UBE2V2: variants seen among roughly 807,000 people sequenced by gnomAD.
UBE2V2 encodes ubiquitin conjugating enzyme E2 V2.
In UBE2V2, 9 loss-of-function variants were observed where a neutral mutation model predicts 17.2. The observed-to-expected ratio is 0.52, with a 90% confidence interval of 0.32 to 0.91. UBE2V2 has a LOEUF of 0.91. Among genes scored for constraint, UBE2V2 ranks in the 40% least tolerant of loss-of-function variants. The pLI, the probability that UBE2V2 is intolerant of heterozygous loss-of-function variation, is 0.04. For synonymous variants in UBE2V2, 61 were observed against 57.5 expected (o/e 1.06, Z -0.28); for missense variants, 133 against 182.6 (o/e 0.73, Z 1.56).
intron 1 of UBE2V2, among the ~76,000 whole-genome samples, chr8:48,009,513 A>G (rs2091213551): frequency 6.6e-6 from 1 of 152,034 alleles, no homozygotes; most frequent in Admixed American, 6.6e-5. Context: ...TGATCCGCCC[A>G]CTTCGGCCTC....
chr8:48,018,849 T>G (rs2091286285), intron 1 of UBE2V2, among the ~76,000 whole-genome samples: 1 of 152,172 alleles, frequency 6.6e-6, no homozygotes, highest in South Asian at 2.1e-4. Flanking sequence ...GCATATATAT[T>G]TACAATTATT....
chr8:48,019,642 C>G (rs1236913320), intron 1 of UBE2V2, among the ~76,000 whole-genome samples: 1 of 151,596 alleles, frequency 6.6e-6, no homozygotes, highest in African/African-American at 2.4e-5. Context: ...TGGTGAAACC[C>G]CGTCTCTACT....
chr8:48,057,266 C>T (rs2091579048), intron 3 of UBE2V2, among the ~76,000 whole-genome samples: 1 of 152,050 alleles, frequency 6.6e-6, no homozygotes, highest in African/African-American at 2.4e-5. Flanking sequence ...TCTTTAATTT[C>T]TATCAACTAT....
chr8:48,030,903 T>G (rs2091377896), intron 1 of UBE2V2, among the ~76,000 whole-genome samples: 1 of 152,236 alleles, frequency 6.6e-6, no homozygotes, highest in African/African-American at 2.4e-5. Context: ...ATGCCTGTAG[T>G]CCCAGCTATT....
rs563362585 is a variant in UBE2V2, at chr8:48,050,105, T to C, written c.291+127T>C. 6 of 643,478 alleles carry C rather than the reference T, an allele frequency of 9.3e-6. No homozygotes were observed. The Admixed American group carries it at 2.0e-4, about 22-fold the overall frequency. 39.9% of individuals were successfully genotyped at this position (643,478 alleles called of 1,614,324 possible). ...AGGAGAAAGTTTTTAAAAGAGGACCTTTGTTAAGCCAAAAGTCTAAAGAAG... is the reference window on the plus strand; with the variant it reads ...AGGAGAAAGTTTTTAAAAGAGGACCCTTGTTAAGCCAAAAGTCTAAAGAAG... On this transcript the variant is annotated intron_variant, in intron 3 of 3. Coordinates refer to ENST00000523111, the MANE Select transcript of UBE2V2 (RefSeq NM_003350.3).
rs370109855 is a variant in UBE2V2, at chr8:48,029,834, T to A, written c.17-13199T>A. Among the ~76,000 whole-genome samples, 7 of 152,370 alleles carry A rather than the reference T, an allele frequency of 4.6e-5. No individual in the cohort carries two copies. In the East Asian group the frequency reaches 1.2e-3, roughly 25 times the overall value. ...AGATATCTGTTTATTTTGCTTAATA[T>A]GGCTTTCTGACTGTGGAAGCCAGCT... On this transcript the variant is annotated intron_variant, in intron 1 of 3. Coordinates refer to ENST00000523111, the MANE Select transcript of UBE2V2 (RefSeq NM_003350.3).
intron 1 of UBE2V2, among the ~76,000 whole-genome samples, chr8:48,032,532 C>T (rs2091390796): frequency 6.6e-6 from 1 of 152,036 alleles, no homozygotes; most frequent in African/African-American, 2.4e-5. Context: ...GCAGGAGGAC[C>T]CCTTGAGCCT....
At chr8:48,038,557 C>T (rs894040565) in intron 1 of UBE2V2, among the ~76,000 whole-genome samples, 3 of 151,818 alleles carry the variant, frequency 2.0e-5, no homozygotes, top group Non-Finnish European at 2.9e-5. Context: ...TGGCTCACTA[C>T]AACCTCTGCC....
chr8:48,031,137 A>T (rs1589856513), intron 1 of UBE2V2, among the ~76,000 whole-genome samples: 2 of 152,028 alleles, frequency 1.3e-5, no homozygotes, highest in East Asian at 3.9e-4. Context: ...TGAACCTGGG[A>T]GGCAGAGGTT....
chr8:48,028,164 T>TTTTA (rs1319926155), intron 1 of UBE2V2, among the ~76,000 whole-genome samples: 2 of 151,522 alleles, frequency 1.3e-5, no homozygotes, highest in East Asian at 1.9e-4. Context: ...CTTTACTCAT[T>TTTTA]TTTATTTATT....
At chr8:48,011,675 G>T (rs1266973436) in intron 1 of UBE2V2, among the ~76,000 whole-genome samples, 1 of 152,124 alleles carries the variant, frequency 6.6e-6, no homozygotes, top group African/African-American at 2.4e-5. Flanking sequence ...TTTTTGAGAC[G>T]GAGTCTTGCT....
intron 1 of UBE2V2, among the ~76,000 whole-genome samples, chr8:48,015,698 G>A (rs1050351626): frequency 6.6e-6 from 1 of 151,900 alleles, no homozygotes; most frequent in African/African-American, 2.4e-5. Flanking sequence ...GTCTACTTCT[G>A]TGAGATCAAT....
the UBE2V2 span, among the ~76,000 whole-genome samples, chr8:47,997,808 G>A: frequency 6.5e-4 from 99 of 152,026 alleles, no homozygotes; most frequent in Non-Finnish European, 9.9e-4. Flanking sequence ...TTGGAGAGAC[G>A]GAGGTAGAGC....
chr8:48,019,395 G>T (rs903238379), intron 1 of UBE2V2, among the ~76,000 whole-genome samples: 2 of 152,014 alleles, frequency 1.3e-5, no homozygotes, highest in African/African-American at 4.8e-5. Flanking sequence ...GGGCGTGGTG[G>T]TGGGCTCCTG....
Position 48,022,717 on chromosome 8 carries a change from G to C in UBE2V2, c.16+14247G>C, listed in dbSNP as rs1438134595. The stretch of plus-strand genomic sequence containing the variant: ...TGATAAACTCCTTCAGCTTTTGCTT[G>C]CCTGAGAAAGTCTTTATCCTTTGTT... On this transcript the variant is annotated intron_variant, in intron 1 of 3. Transcript: ENST00000523111. Among the ~76,000 whole-genome samples, 6 of 151,998 alleles carry C rather than the reference G, an allele frequency of 3.9e-5. No individual in the cohort carries two copies. In the East Asian group the frequency reaches 1.2e-3, roughly 29 times the overall value.
At chr8:48,026,922 G>A (rs1769545603) in intron 1 of UBE2V2, among the ~76,000 whole-genome samples, 1 of 152,276 alleles carries the variant, frequency 6.6e-6, no homozygotes, top group South Asian at 2.1e-4. Flanking sequence ...CCTAGGAGTG[G>A]AACTGCTGGG....
intron 3 of UBE2V2, among the ~76,000 whole-genome samples, chr8:48,059,001 G>A (rs570132293): frequency 6.6e-6 from 1 of 152,132 alleles, no homozygotes; most frequent in Admixed American, 6.6e-5. Flanking sequence ...CCGCCTCCCA[G>A]ATGCAAACAA....
chr8:48,028,859 T>C (rs2091364628), intron 1 of UBE2V2, among the ~76,000 whole-genome samples: 1 of 152,228 alleles, frequency 6.6e-6, no homozygotes, highest in African/African-American at 2.4e-5. Flanking sequence ...GTATTCTGGA[T>C]ACAAGTCCTT....
chr8:48,023,276 C>T lies in UBE2V2; in HGVS notation c.16+14806C>T, dbSNP rs568629303. Among the ~76,000 whole-genome samples the T allele has an allele frequency of 6.5e-4, 98 of 150,194 alleles. 1 individual carries two copies. In the South Asian group the frequency reaches 0.019, roughly 29 times the overall value. On this transcript the variant is annotated intron_variant, in intron 1 of 3. Coordinates refer to ENST00000523111, the MANE Select transcript of UBE2V2 (RefSeq NM_003350.3). ...CTATCGCCAGGCTGTAGTGCGGTGG[C>T]GCGATCTTGGCTCACTGCGACCTCC...
Sources: allele counts gnomAD v4.1 joint callset (sites outside exome capture counted in the v4.1 genomes callset), GRCh38; gene constraint gnomAD v4.1.1; transcripts MANE v1.5; gene names NCBI Gene and HGNC (gene_info 2026-07-23, HGNC 2026-07-21).